DPYD: variants seen among roughly 807,000 people sequenced by gnomAD.
The protein encoded by DPYD is dihydropyrimidine dehydrogenase [NADP(+)].
In DPYD, 109 loss-of-function variants were observed where a neutral mutation model predicts 116.2. The observed-to-expected ratio is 0.94, with a 90% CI of 0.80 to 1.10. The LOEUF (loss-of-function observed/expected upper bound fraction) is 1.10. Among genes scored for constraint, DPYD ranks in the 50% least tolerant of loss-of-function variants. The pLI, the probability that DPYD is intolerant of heterozygous loss-of-function variation, is 0.00. For missense variants in DPYD, 1,302 were observed against 1,254.5 expected (o/e 1.04, Z -0.57); for synonymous variants, 440 against 432.0 (o/e 1.02, Z -0.23).
chr1:97,334,483 T>C (rs1051528219), intron 16 of DPYD, among the ~76,000 whole-genome samples: 1 of 134,054 alleles, frequency 7.5e-6, no homozygotes, highest in Admixed American at 7.4e-5. Context: ...AACAAAACAA[T>C]AGCAGAATTA....
chr1:97,471,208 G>A (rs1026741356), intron 13 of DPYD, among the ~76,000 whole-genome samples: 10 of 152,052 alleles, frequency 6.6e-5, no homozygotes, highest in Admixed American at 2.0e-4. Context: ...TTCCCTCTAA[G>A]TTTCATATTT....
chr1:97,428,542 C>G (rs779908402), intron 14 of DPYD, among the ~76,000 whole-genome samples: 3 of 152,000 alleles, frequency 2.0e-5, no homozygotes, highest in Non-Finnish European at 4.4e-5. Flanking sequence ...CTGGAAGTTT[C>G]AGAGTTTGAG....
At chr1:97,851,529 T>A (rs1670567806) in intron 2 of DPYD, among the ~76,000 whole-genome samples, 1 of 151,950 alleles carries the variant, frequency 6.6e-6, no homozygotes, top group South Asian at 2.1e-4. Context: ...ATAATTTAAA[T>A]ATGCAGGTGC....
chr1:97,812,683 T>C (rs1369476953), intron 3 of DPYD, among the ~76,000 whole-genome samples: 1 of 152,192 alleles, frequency 6.6e-6, no homozygotes, highest in South Asian at 2.1e-4. Flanking sequence ...CTGGGCATCA[T>C]CATATTTAAA....
In DPYD at chr1:97,098,640, G is replaced by A. The variant is rs1570451084; in HGVS notation, c.2623-8C>T. ...TCCAAAACTTGGCAGTTTCTAAAAG[G>A]AAAACACACAAATAAGGAAGCATGT... On this transcript the variant is annotated splice_region_variant and splice_polypyrimidine_tract_variant and intron_variant, in intron 20 of 22. Transcript: ENST00000370192. 6.2e-7 allele frequency: 1 copy of A among 1,612,400 alleles called. No homozygotes were observed. Among genetic ancestry groups the A allele is most frequent in the Non-Finnish European group, 8.5e-7 (1 of 1,179,124 alleles).
rs1356332051 is a variant in DPYD at position 97,316,441 on chromosome 1, G to C, written c.2059-10144C>G. Among the ~76,000 whole-genome samples the C allele has an allele frequency of 2.0e-5, 3 of 151,628 alleles. No individual in the cohort carries two copies. The East Asian group carries it at 5.9e-4, about 30-fold the overall frequency. On this transcript the variant is annotated intron_variant, in intron 16 of 22. Coordinates refer to ENST00000370192, the MANE Select transcript of DPYD (RefSeq NM_000110.4). ...AGGAATGAGAATCCTTTAAACCCAG[G>C]AGGTGGAGGCTGCAGTGAGCCGAGA... is the stretch of plus-strand genomic sequence containing the variant.
intron 8 of DPYD, among the ~76,000 whole-genome samples, chr1:97,602,107 T>C (rs1655285337): frequency 6.6e-6 from 1 of 151,966 alleles, no homozygotes; most frequent in South Asian, 2.1e-4. Flanking sequence ...CACCAGCACA[T>C]AACAATAAGT....
intron 8 of DPYD, among the ~76,000 whole-genome samples, chr1:97,676,152 T>C (rs1660133248): frequency 6.6e-6 from 1 of 152,158 alleles, no homozygotes; most frequent in Non-Finnish European, 1.5e-5. Flanking sequence ...CTGTGTCAAA[T>C]ACTAATGATG....
intron 13 of DPYD, among the ~76,000 whole-genome samples, chr1:97,511,115 C>A (rs745568976): frequency 6.6e-6 from 1 of 151,856 alleles, no homozygotes; most frequent in Non-Finnish European, 1.5e-5. Context: ...ACTGATCATG[C>A]GTGCTGAGCC....
chr1:97,587,817 C>T (rs1654239971), intron 10 of DPYD, among the ~76,000 whole-genome samples: 1 of 144,762 alleles, frequency 6.9e-6, no homozygotes, highest in African/African-American at 2.6e-5. Context: ...GAGCAAGACT[C>T]CATCTCCAAA....
At chr1:97,837,318 T>C (rs138212949) in intron 2 of DPYD, among the ~76,000 whole-genome samples, 9 of 152,262 alleles carry the variant, frequency 5.9e-5, no homozygotes, top group Non-Finnish European at 1.5e-5. Flanking sequence ...CTAAATGATA[T>C]TCACAATGAG....
chr1:97,546,203 G>A lies in DPYD; in HGVS notation c.1524+3357C>T, dbSNP rs149347686. 17 of 1,531,378 alleles carry A rather than the reference G, an allele frequency of 1.1e-5. No homozygotes were observed. The South Asian group carries it at 1.5e-4, about 13-fold the overall frequency. The allele number at this position is 1,531,378 out of a possible 1,614,324, so 94.9% of individuals were successfully genotyped here. On this transcript the variant is annotated intron_variant, in intron 12 of 22. Coordinates refer to ENST00000370192, the MANE Select transcript of DPYD (RefSeq NM_000110.4). ...GGCAGGGTGAAACTAACAAGAACAGGACAAAACGAGGATGGCAACAGAAGA... is the reference window on the plus strand; with the variant it reads ...GGCAGGGTGAAACTAACAAGAACAGAACAAAACGAGGATGGCAACAGAAGA...
At chr1:97,491,718 C>A (rs924218906) in intron 13 of DPYD, among the ~76,000 whole-genome samples, 1 of 152,052 alleles carries the variant, frequency 6.6e-6, no homozygotes, top group African/African-American at 2.4e-5. Context: ...TTTAAAACTT[C>A]TATCTCTAAA....
chr1:97,386,744 TGAAAATATGTGGTA>T (rs1266610176), intron 14 of DPYD, among the ~76,000 whole-genome samples: 1 of 152,102 alleles, frequency 6.6e-6, no homozygotes, highest in Non-Finnish European at 1.5e-5. Context: ...GGATGGTTTG[TGAAAATATGTGGTA>T]GCATTCTATT....
intron 3 of DPYD, among the ~76,000 whole-genome samples, chr1:97,754,206 A>C (rs1665094405): frequency 6.6e-6 from 1 of 152,214 alleles, no homozygotes; most frequent in Admixed American, 6.5e-5. Flanking sequence ...GGCACTGCTT[A>C]GAAAGTGAAC....
chr1:97,226,285 T>G (rs987361316), intron 19 of DPYD, among the ~76,000 whole-genome samples: 11 of 152,098 alleles, frequency 7.2e-5, no homozygotes, highest in African/African-American at 2.4e-4. Context: ...AACATCACAG[T>G]CAATAGTGAA....
intron 20 of DPYD, among the ~76,000 whole-genome samples, chr1:97,122,052 T>C (rs572634154): frequency 1.3e-5 from 2 of 152,246 alleles, no homozygotes; most frequent in South Asian, 4.2e-4. Flanking sequence ...ATGGAAATGT[T>C]TTCAGTACCA....
intron 8 of DPYD, among the ~76,000 whole-genome samples, chr1:97,670,980 G>A (rs1306722558): frequency 6.6e-6 from 1 of 151,864 alleles, no homozygotes; most frequent in East Asian, 1.9e-4. Context: ...ATTCCTCCAT[G>A]TCTCCATCCA....
rs201001605 is a variant in DPYD at position 97,606,427 on chromosome 1, T to TCA, written c.851-11263_851-11262dup. Reference sequence around the variant, plus strand: ...CCACAGGAGCAGTTACAAAGGCACTTCACCTGGACTGCAGACAACATTCTA... The same window carrying TCA: ...CCACAGGAGCAGTTACAAAGGCACTTCACACCTGGACTGCAGACAACATTCTA... On this transcript the variant is annotated intron_variant, in intron 8 of 22. Transcript: ENST00000370192. 4.6e-3 allele frequency among the ~76,000 whole-genome samples: 700 copies of TCA among 152,064 alleles called. 10 individuals carry two copies. Among genetic ancestry groups the TCA allele is most frequent in the African/African-American group, 0.016 (655 of 41,492 alleles).
Sources: allele counts gnomAD v4.1 joint callset (sites outside exome capture counted in the v4.1 genomes callset), GRCh38; gene constraint gnomAD v4.1.1; transcripts MANE v1.5; gene names NCBI Gene and HGNC (gene_info 2026-07-23, HGNC 2026-07-21).